Variants in GMDS observed in about 807,000 individuals in gnomAD.
GMDS encodes GDP-mannose 4,6-dehydratase, also known as GDP-mannose 4,6 dehydratase.
Under a neutral mutation model 49.9 loss-of-function variants are expected in GMDS, and 20 were observed. The observed-to-expected ratio is 0.40, with a 90% CI of 0.28 to 0.58. The LOEUF (loss-of-function observed/expected upper bound fraction) is 0.58, where lower values mean the gene tolerates loss of function less well. GMDS is among the 20% of genes least tolerant of loss of function. The pLI is 0.42. For synonymous variants in GMDS, 177 were observed against 178.6 expected (o/e 0.99, Z 0.07); for missense variants, 362 against 481.4 (o/e 0.75, Z 2.32).
intron 4 of GMDS, among the ~76,000 whole-genome samples, chr6:1,997,631 A>T (rs7757144): frequency 6.6e-6 from 1 of 151,622 alleles, no homozygotes; most frequent in African/African-American, 2.4e-5. Flanking sequence ...TCCTAAAGGG[A>T]TCATGATTCT....
intron 8 of GMDS, among the ~76,000 whole-genome samples, chr6:1,741,298 T>A (rs1767260063): frequency 6.6e-6 from 1 of 152,200 alleles, no homozygotes; most frequent in African/African-American, 2.4e-5. Context: ...TATCTTATTG[T>A]TACTTTGTAC....
intron 4 of GMDS, among the ~76,000 whole-genome samples, chr6:2,000,598 A>G (rs1437058345): frequency 2.0e-5 from 3 of 152,186 alleles, no homozygotes; most frequent in Non-Finnish European, 4.4e-5. Context: ...TGGAGCATGT[A>G]TCACTACTTT....
At chr6:1,881,955 C>T (rs1335426736) in intron 7 of GMDS, among the ~76,000 whole-genome samples, 3 of 152,228 alleles carry the variant, frequency 2.0e-5, no homozygotes, top group African/African-American at 7.2e-5. Context: ...TACAGTAAAA[C>T]TCACAGAGTT....
chr6:1,923,042 TC>T (rs1235699166), intron 7 of GMDS, among the ~76,000 whole-genome samples: 7 of 152,132 alleles, frequency 4.6e-5, no homozygotes, highest in Non-Finnish European at 8.8e-5. Flanking sequence ...TGGCTCTCAT[TC>T]TCTCTCTTCC....
chr6:2,028,696 G>C (rs911184783), intron 4 of GMDS, among the ~76,000 whole-genome samples: 2 of 152,164 alleles, frequency 1.3e-5, no homozygotes. Flanking sequence ...GATAAGCACA[G>C]TCTACAAAAA....
chr6:2,058,099 C>G (rs1007665783), intron 4 of GMDS, among the ~76,000 whole-genome samples: 1 of 152,110 alleles, frequency 6.6e-6, no homozygotes, highest in Admixed American at 6.5e-5. Context: ...TGGCTCATGC[C>G]TATAATCCCA....
chr6:1,922,662 AAG>A (rs996934726), intron 7 of GMDS, among the ~76,000 whole-genome samples: 1 of 152,132 alleles, frequency 6.6e-6, no homozygotes, highest in Non-Finnish European at 1.5e-5. Context: ...CAGTCAGTAG[AAG>A]AGAGAAACGT....
At chr6:2,227,949 T>C (rs1336775147) in intron 1 of GMDS, among the ~76,000 whole-genome samples, 1 of 152,252 alleles carries the variant, frequency 6.6e-6, no homozygotes, top group Non-Finnish European at 1.5e-5. Context: ...AGCCAACCTG[T>C]GGCTGTGCGG....
chr6:1,794,175 C>G (rs944375442), intron 7 of GMDS, among the ~76,000 whole-genome samples: 12 of 152,140 alleles, frequency 7.9e-5, no homozygotes, highest in Admixed American at 7.2e-4. Context: ...CTATCAACAC[C>G]TAGAGGGTTC....
chr6:2,007,227 C>CTG (rs376148793), intron 4 of GMDS, among the ~76,000 whole-genome samples: 4 of 151,892 alleles, frequency 2.6e-5, no homozygotes, highest in East Asian at 1.9e-4. Flanking sequence ...ACTTTAGGAG[C>CTG]TGTGTGTGTG....
chr6:2,225,352 T>C (rs1780769415), intron 1 of GMDS, among the ~76,000 whole-genome samples: 2 of 151,890 alleles, frequency 1.3e-5, no homozygotes, highest in Admixed American at 6.6e-5. Flanking sequence ...AACAAACAAA[T>C]AAATAAGCCT....
At chr6:1,902,997 T>G in intron 7 of GMDS, among the ~76,000 whole-genome samples, 1 of 152,190 alleles carries the variant, frequency 6.6e-6, no homozygotes, top group Admixed American at 6.5e-5. Context: ...AAAAAGCCTA[T>G]TTATATCTAT....
intron 9 of GMDS, among the ~76,000 whole-genome samples, chr6:1,657,901 G>A (rs1245772606): frequency 6.7e-6 from 1 of 149,850 alleles, no homozygotes; most frequent in Non-Finnish European, 1.5e-5. Flanking sequence ...AGACTAAGTG[G>A]CATCCCATCC....
At chr6:2,000,730 T>C (rs568722897) in intron 4 of GMDS, among the ~76,000 whole-genome samples, 24 of 152,292 alleles carry the variant, frequency 1.6e-4, no homozygotes, top group African/African-American at 4.8e-4. Flanking sequence ...GGCACAATCA[T>C]AGCTTACTGC....
At position 1,628,744 on chromosome 6, in the gene GMDS, GAGA is replaced by G. The variant is rs543776732; in HGVS notation, c.988-4207_988-4205del. Among the ~76,000 whole-genome samples, 11 of 152,296 alleles carry G rather than the reference GAGA, an allele frequency of 7.2e-5. No homozygotes were observed. In the South Asian group the frequency reaches 1.2e-3, roughly 17 times the overall value. On this transcript the variant is annotated intron_variant, in intron 9 of 10. Coordinates refer to ENST00000380815, the MANE Select transcript of GMDS (RefSeq NM_001500.4). ...AATTGACTCTTGATGCCCTAAATAG[GAGA>G]AGATGTATGGACAGGGATGTTAATA... is the stretch of plus-strand genomic sequence containing the variant.
chr6:1,971,277 T>C (rs1764596846), intron 4 of GMDS, among the ~76,000 whole-genome samples: 1 of 152,156 alleles, frequency 6.6e-6, no homozygotes, highest in South Asian at 2.1e-4. Flanking sequence ...TCCCAGCCTC[T>C]TCTATTTGCC....
At position 1,834,268 on chromosome 6, in the gene GMDS, G is replaced by A. The variant is rs1181839940; in HGVS notation, c.772-91682C>T. Among the ~76,000 whole-genome samples, 3 of 152,214 alleles carry A rather than the reference G, an allele frequency of 2.0e-5. No homozygotes were observed. The East Asian group carries it at 5.8e-4, about 29-fold the overall frequency. ...ATCTAAAAGAGATTCCATTTAAAAT[G>A]TTCTCAGTGGTGGGGGAAAAATGCT... On this transcript the variant is annotated intron_variant, in intron 7 of 10. Transcript: ENST00000380815.
intron 9 of GMDS, among the ~76,000 whole-genome samples, chr6:1,685,758 G>A (rs558627640): frequency 6.6e-6 from 1 of 152,284 alleles, no homozygotes; most frequent in East Asian, 1.9e-4. Flanking sequence ...AGGATGGGAA[G>A]GAATGGAGGG....
chr6:2,067,200 T>C (rs1001816443), intron 4 of GMDS, among the ~76,000 whole-genome samples: 1 of 152,112 alleles, frequency 6.6e-6, no homozygotes, highest in African/African-American at 2.4e-5. Flanking sequence ...GAAATAAAGA[T>C]GTTCTTTGAA....
Sources: gnomAD v4.1 joint callset for allele counts (sites outside exome capture counted in the v4.1 genomes callset) on GRCh38, gnomAD v4.1.1 for gene constraint, MANE v1.5 for transcripts, NCBI Gene and HGNC (gene_info 2026-07-23, HGNC 2026-07-21) for gene names.